DCP1B: variants seen among roughly 807,000 people sequenced by gnomAD.
DCP1B encodes the protein decapping mRNA 1B.
Under a neutral mutation model 60.5 loss-of-function variants are expected in DCP1B, and 47 were observed. The ratio of observed to expected loss-of-function variants is 0.78; its 90% CI spans 0.61 to 0.99. The LOEUF (loss-of-function observed/expected upper bound fraction) is 0.99. Ranked by LOEUF, DCP1B falls within the 50% of genes least tolerant of loss-of-function variation. The pLI is 0.00. For synonymous variants in DCP1B, 267 were observed against 280.3 expected, an observed-to-expected ratio of 0.95 and a Z score of 0.47; for missense variants, 725 against 756.8, an observed-to-expected ratio of 0.96 and a Z score of 0.49.
chr12:2,003,509 T>C (rs907550651), intron 1 of DCP1B, among the ~76,000 whole-genome samples: 30 of 152,174 alleles, frequency 2.0e-4, no homozygotes, highest in Admixed American at 3.9e-4. Context: ...GGTTACAAAA[T>C]TACAAGCAGC....
chr12:1,959,917 T>C (rs1673811721), intron 5 of DCP1B, among the ~76,000 whole-genome samples: 1 of 146,894 alleles, frequency 6.8e-6, no homozygotes, highest in African/African-American at 2.5e-5. Context: ...CCAAGATTGC[T>C]CCACTGCACT....
At chr12:1,990,059 T>C (rs2038957907) in intron 3 of DCP1B, among the ~76,000 whole-genome samples, 2 of 152,220 alleles carry the variant, frequency 1.3e-5, no homozygotes, top group Non-Finnish European at 2.9e-5. Context: ...CTGCTAGTAC[T>C]TCACTGCTTG....
intron 6 of DCP1B, among the ~76,000 whole-genome samples, chr12:1,953,716 GA>G (rs1191590578): frequency 6.6e-6 from 1 of 152,200 alleles, no homozygotes; most frequent in Non-Finnish European, 1.5e-5. Flanking sequence ...CAGAATTATG[GA>G]AATCAAGGGC....
intron 3 of DCP1B, among the ~76,000 whole-genome samples, chr12:1,978,689 C>A (rs1228717274): frequency 6.6e-6 from 1 of 152,164 alleles, no homozygotes; most frequent in African/African-American, 2.4e-5. Flanking sequence ...ACTTCCACCA[C>A]CAGCCCCAGC....
At position 1,955,505 on chromosome 12, in the gene DCP1B, T is replaced by C; in HGVS notation, c.578A>G (p.Asn193Ser). 6.2e-7 allele frequency: 1 copy of C among 1,613,980 alleles called. No homozygotes were observed. The highest frequency in any genetic ancestry group is 1.3e-5 in the African/African-American group (1 of 75,032). The change falls in exon 6 of 9, where the codon AAT (asparagine) becomes AGT (serine). Residue 193 changes from asparagine (N) to serine (S), a missense_variant. Physicochemically the swap from Asn to Ser is conservative, Grantham distance 46. Transcript: ENST00000280665. ...KITSSSAIYDNPNLIKPIPVK... is the reference protein window; with the variant it reads ...KITSSSAIYDSPNLIKPIPVK... ...TGGAATTGGTTTGATGAGATTTGGA[T>C]TGTCATAGATGGCAGAGGAACTGGT...
At chr12:1,949,598 G>T (rs1222874436) in intron 7 of DCP1B, among the ~76,000 whole-genome samples, 2 of 152,180 alleles carry the variant, frequency 1.3e-5, no homozygotes, top group Non-Finnish European at 2.9e-5. Flanking sequence ...TATTTTTCAG[G>T]CTACCAGTAT....
At chr12:1,943,592 C>T (rs751205376), downstream of DCP1B, among the ~76,000 whole-genome samples, 7 of 152,160 alleles carry the variant, frequency 4.6e-5, no homozygotes, top group South Asian at 6.2e-4. Context: ...TTATCCACCA[C>T]GATCATGTCA....
At chr12:1,950,434 T>C (rs2030624173) in intron 7 of DCP1B, 1 of 702,028 alleles carries the variant, frequency 1.4e-6, no homozygotes, top group Admixed American at 2.0e-5. Flanking sequence ...ATTCATCGCA[T>C]GCTTCTAATT....
intron 3 of DCP1B, among the ~76,000 whole-genome samples, chr12:1,987,386 T>A (rs1478837863): frequency 6.6e-6 from 1 of 152,198 alleles, no homozygotes; most frequent in East Asian, 1.9e-4. Flanking sequence ...TTATGTTTTT[T>A]ATGAGAGAAT....
Position 1,993,407 on chromosome 12 carries a change from A to G in DCP1B, c.192-16T>C. On this transcript the variant is annotated splice_polypyrimidine_tract_variant and intron_variant, in intron 2 of 8. Transcript: ENST00000280665. ...AGAAGCAGACCTAAAAATCACAAGGAGTCAGGGGGAAATCAATAGACAAAT... is the reference window on the plus strand; with the variant it reads ...AGAAGCAGACCTAAAAATCACAAGGGGTCAGGGGGAAATCAATAGACAAAT... 6.2e-7 allele frequency: 1 copy of G among 1,606,422 alleles called. No individual in the cohort carries two copies. The highest frequency in any genetic ancestry group is 1.3e-5 in the African/African-American group (1 of 74,636).
downstream of DCP1B, among the ~76,000 whole-genome samples, chr12:1,945,680 C>T (rs974222538): frequency 6.6e-6 from 1 of 152,186 alleles, no homozygotes; most frequent in African/African-American, 2.4e-5. Flanking sequence ...GGCATATATA[C>T]ACCCAGGGAA....
intron 3 of DCP1B, among the ~76,000 whole-genome samples, chr12:1,986,650 T>C (rs2037873268): frequency 8.2e-6 from 1 of 122,252 alleles, no homozygotes; most frequent in African/African-American, 3.5e-5. Context: ...AAAGAGGAGT[T>C]TCTCTCAGGT....
In DCP1B at chr12:1,965,672, C is replaced by G; in HGVS notation, c.408G>C (p.Leu136Phe). The G allele has an allele frequency of 6.2e-7, 1 of 1,613,318 alleles. No homozygotes were observed. The highest frequency in any genetic ancestry group is 8.5e-7 in the Non-Finnish European group (1 of 1,179,634). Residue 136 changes from leucine (L) to phenylalanine (F), a missense_variant, in exon 5 of 9, where the codon TTG becomes TTC. Leu to Phe is a conservative substitution (Grantham distance 22). Transcript: ENST00000280665. ...CTGCTCCAGTTCCCTGATGGGCTTT[C>G]AACTGTTCATACTGAGTTAGGCTAG... ...LMKNLTQYEQ[L>F]KAHQGTGAGI... is the part of the protein sequence containing the mutation.
At chr12:1,988,014 T>C (rs182219957) in intron 3 of DCP1B, among the ~76,000 whole-genome samples, 8 of 152,302 alleles carry the variant, frequency 5.3e-5, no homozygotes, top group Non-Finnish European at 1.0e-4. Context: ...ATTCACCCTT[T>C]GACTTTAATT....
At chr12:1,972,059 C>CTAA (rs1845177859) in intron 3 of DCP1B, among the ~76,000 whole-genome samples, 1 of 152,232 alleles carries the variant, frequency 6.6e-6, no homozygotes, top group Non-Finnish European at 1.5e-5. Context: ...TATAACTTCA[C>CTAA]TAATTCCTCT....
Position 1,990,261 on chromosome 12 carries a change from T to C in DCP1B, c.319+3003A>G, listed in dbSNP as rs140172959. ...CCTGAACATAGTGTTTGGCAGACAG[T>C]AAATGTTTGTTGAATAAATGAATGA... On this transcript the variant is annotated intron_variant, in intron 3 of 8. Coordinates refer to ENST00000280665, the MANE Select transcript of DCP1B (RefSeq NM_152640.5). Among the ~76,000 whole-genome samples the C allele has an allele frequency of 2.6e-5, 4 of 152,342 alleles. 1 individual carries two copies. Among genetic ancestry groups the C allele is most frequent in the African/African-American group, 4.8e-5 (2 of 41,566 alleles).
rs1365957331 is a variant in DCP1B, at chr12:1,948,398, G to A, written c.1773+688C>T. On this transcript the variant is annotated intron_variant, in intron 8 of 8. Transcript: ENST00000280665. This position sits in a 1 kb window ranked among gnomAD's most constrained non-coding sequence, Gnocchi z 4.8. ...TTGCTCAGCCTCAGTTTCCTTGTCT[G>A]TAGAATGGGAAAAATAACAGGGTTG... 6.6e-6 allele frequency among the ~76,000 whole-genome samples: 1 copy of A among 152,212 alleles called. No individual in the cohort carries two copies. Among genetic ancestry groups the A allele is most frequent in the Non-Finnish European group, 1.5e-5 (1 of 68,034 alleles).
At chr12:1,980,297 C>G (rs1210750469) in intron 3 of DCP1B, among the ~76,000 whole-genome samples, 1 of 152,172 alleles carries the variant, frequency 6.6e-6, no homozygotes, top group Admixed American at 6.5e-5. Flanking sequence ...CAAGAAACTA[C>G]GGCTACATGC....
intron 7 of DCP1B, among the ~76,000 whole-genome samples, chr12:1,951,101 G>A (rs542975878): frequency 5.3e-5 from 8 of 152,138 alleles, no homozygotes; most frequent in African/African-American, 1.7e-4. Context: ...GTGACACCTC[G>A]TCTCTACTAA....
Sources: gnomAD v4.1 joint callset for allele counts (sites outside exome capture counted in the v4.1 genomes callset) on GRCh38, gnomAD v4.1.1 for gene constraint, Gnocchi (gnomAD v3.1) non-coding constraint, MANE v1.5 for transcripts, NCBI Gene and HGNC (gene_info 2026-07-23, HGNC 2026-07-21) for gene names.